Variants in DLG2 observed in about 807,000 individuals in gnomAD.
DLG2 encodes the protein disks large homolog 2.
A neutral mutation model predicts 132.5 loss-of-function variants in DLG2; 45 were observed. The observed-to-expected ratio is 0.34, with a 90% CI of 0.27 to 0.44. The LOEUF (loss-of-function observed/expected upper bound fraction) is 0.44, where lower values mean the gene tolerates loss of function less well. Among genes scored for constraint, DLG2 ranks in the 20% least tolerant of loss-of-function variants. The pLI is 1.00. For missense variants in DLG2, 1,045 were observed against 1,196.9 expected (o/e 0.87, Z 1.87); for synonymous variants, 424 against 419.6 (o/e 1.01, Z -0.13).
intron 3 of DLG2, among the ~76,000 whole-genome samples, chr11:85,542,321 C>T (rs1000359816): frequency 1.3e-5 from 2 of 152,106 alleles, no homozygotes; most frequent in African/African-American, 4.8e-5. Flanking sequence ...TGTTGGAGAA[C>T]TCCCCCACGG....
chr11:83,997,618 C>A (rs1203437736), intron 11 of DLG2, among the ~76,000 whole-genome samples: 6 of 150,222 alleles, frequency 4.0e-5, no homozygotes, highest in Non-Finnish European at 7.4e-5. Context: ...GTAGTCCCAG[C>A]TACTCAGGAG....
intron 21 of DLG2, among the ~76,000 whole-genome samples, chr11:83,486,943 G>A (rs2093553473): frequency 6.6e-6 from 1 of 151,838 alleles, no homozygotes; most frequent in Non-Finnish European, 1.5e-5. Flanking sequence ...TATTAGACAT[G>A]TGTAATACCA....
chr11:84,406,414 G>A (rs985849535), intron 7 of DLG2, among the ~76,000 whole-genome samples: 1 of 152,148 alleles, frequency 6.6e-6, no homozygotes, highest in African/African-American at 2.4e-5. Flanking sequence ...GACCTCCTGG[G>A]CTCAAATGGT....
At chr11:85,528,142 C>A (rs2074925668) in intron 3 of DLG2, among the ~76,000 whole-genome samples, 1 of 152,182 alleles carries the variant, frequency 6.6e-6, no homozygotes, top group Non-Finnish European at 1.5e-5. Flanking sequence ...GTTGCCTGTT[C>A]ACTTTCATGA....
chr11:84,191,995 G>C (rs1040191914), intron 8 of DLG2, among the ~76,000 whole-genome samples: 1 of 151,978 alleles, frequency 6.6e-6, no homozygotes, highest in African/African-American at 2.4e-5. Flanking sequence ...TGTTATAAAA[G>C]TGGGTCATTC....
intron 18 of DLG2, among the ~76,000 whole-genome samples, chr11:83,770,345 T>A (rs976492997): frequency 3.0e-4 from 43 of 142,320 alleles, no homozygotes; most frequent in African/African-American, 1.1e-3. Context: ...GTTCTTTAAT[T>A]AAAAAAAAAA....
At chr11:84,794,932 G>T (rs572094844) in intron 6 of DLG2, among the ~76,000 whole-genome samples, 2 of 152,298 alleles carry the variant, frequency 1.3e-5, no homozygotes, top group South Asian at 2.1e-4. Flanking sequence ...GGGCACCATC[G>T]ATAGACAGCA....
At chr11:84,120,859 G>A (rs1013157868) in intron 9 of DLG2, among the ~76,000 whole-genome samples, 1 of 152,160 alleles carries the variant, frequency 6.6e-6, no homozygotes, top group Non-Finnish European at 1.5e-5. Context: ...TATTATGTAT[G>A]TATTCTTTCG....
chr11:83,797,747 TG>T (rs2043214248), intron 17 of DLG2, among the ~76,000 whole-genome samples: 1 of 152,218 alleles, frequency 6.6e-6, no homozygotes, highest in Non-Finnish European at 1.5e-5. Flanking sequence ...CTCGATCTCC[TG>T]ACCTTGTGAT....
intron 7 of DLG2, among the ~76,000 whole-genome samples, chr11:84,328,987 G>A (rs957802740): frequency 2.6e-5 from 4 of 152,146 alleles, no homozygotes; most frequent in African/African-American, 7.2e-5. Flanking sequence ...TTTAGACCAG[G>A]TAGAATTCTT....
intron 9 of DLG2, among the ~76,000 whole-genome samples, chr11:84,121,175 A>T (rs956163528): frequency 5.3e-5 from 8 of 152,216 alleles, no homozygotes; most frequent in Non-Finnish European, 1.2e-4. Context: ...TTAACCAAAG[A>T]AGTTTTATAG....
chr11:84,193,082 A>T (rs1313896463), intron 8 of DLG2, among the ~76,000 whole-genome samples: 2 of 152,248 alleles, frequency 1.3e-5, no homozygotes, highest in African/African-American at 4.8e-5. Flanking sequence ...CAGTTAATCA[A>T]TTAGAATTTA....
chr11:83,871,599 T>C (rs1005539229), intron 16 of DLG2, among the ~76,000 whole-genome samples: 2 of 152,208 alleles, frequency 1.3e-5, no homozygotes, highest in South Asian at 4.1e-4. Context: ...TAAAGACCCA[T>C]TGGCCTATGT....
At chr11:84,358,721 A>C (rs2098632563) in intron 7 of DLG2, among the ~76,000 whole-genome samples, 1 of 151,938 alleles carries the variant, frequency 6.6e-6, no homozygotes, top group South Asian at 2.1e-4. Flanking sequence ...GGACATACTC[A>C]GTTTTATAAC....
At chr11:85,255,226 A>G (rs2076608296) in intron 4 of DLG2, among the ~76,000 whole-genome samples, 1 of 152,124 alleles carries the variant, frequency 6.6e-6, no homozygotes, top group South Asian at 2.1e-4. Context: ...AAGGATTCCT[A>G]TTTAACTCCA....
Position 84,963,379 on chromosome 11 carries a change from C to CAG in DLG2, c.357+148280_357+148281dup, listed in dbSNP as rs1591912432. 2.6e-5 allele frequency among the ~76,000 whole-genome samples: 4 copies of CAG among 152,268 alleles called. 1 individual carries two copies. The highest frequency in any genetic ancestry group is 4.8e-5 in the African/African-American group (2 of 41,570). Reference sequence around the variant, plus strand: ...TGAAGCATTTTGCCCAAGGCCTCATCAGAGAGAGAGCTGCAAGGGAACAAA... The same window carrying CAG: ...TGAAGCATTTTGCCCAAGGCCTCATCAGAGAGAGAGAGCTGCAAGGGAACAAA... On this transcript the variant is annotated intron_variant, in intron 6 of 27. Transcript: ENST00000376104.
At chr11:85,129,766 T>C (rs988223317) in intron 5 of DLG2, among the ~76,000 whole-genome samples, 3 of 152,180 alleles carry the variant, frequency 2.0e-5, no homozygotes, top group Non-Finnish European at 2.9e-5. Context: ...CGTATGTTTA[T>C]TGCAGCACTA....
At chr11:83,663,631 G>T (rs560973611) in intron 18 of DLG2, among the ~76,000 whole-genome samples, 1 of 152,140 alleles carries the variant, frequency 6.6e-6, no homozygotes, top group Non-Finnish European at 1.5e-5. Flanking sequence ...GTTTTGTTCC[G>T]CCAGACATTC....
At chr11:84,539,221 T>C (rs199882754) in intron 6 of DLG2, among the ~76,000 whole-genome samples, 1 of 152,184 alleles carries the variant, frequency 6.6e-6, no homozygotes, top group African/African-American at 2.4e-5. Context: ...ACCTGGAAAG[T>C]GGCAAACCAG....
Sources: allele counts gnomAD v4.1 joint callset (sites outside exome capture counted in the v4.1 genomes callset), GRCh38; gene constraint gnomAD v4.1.1; transcripts MANE v1.5; gene names NCBI Gene and HGNC (gene_info 2026-07-23, HGNC 2026-07-21).